Variants in RGS3 observed in about 807,000 individuals in gnomAD.
RGS3 encodes the protein regulator of G protein signaling 3, also known as regulator of G-protein signalling 3.
In RGS3, 80 loss-of-function variants were observed where a neutral mutation model predicts 132.6. That is an observed-to-expected ratio of 0.60 (90% CI 0.50 to 0.73). RGS3 has a LOEUF of 0.73. Ranked by LOEUF, RGS3 falls within the 30% of genes least tolerant of loss-of-function variation. RGS3 has a pLI of 0.00. For missense variants in RGS3, 1,382 were observed against 1,530.8 expected (o/e 0.90, Z 1.62); for synonymous variants, 598 against 620.6 (o/e 0.96, Z 0.54).
rs1231593256 is a variant in RGS3 at position 113,463,601 on chromosome 9, C to G, written c.415+1400C>G. ...GCGGCGCCGCCTCCCCCACCCCGGC[C>G]CAGCTCTGCTCCGGCAGGTGGAACT... On this transcript the variant is annotated intron_variant, in intron 3 of 24. Transcript: ENST00000350696. The surrounding 1 kb of genome is among the most constrained non-coding windows in gnomAD (Gnocchi z 4.6). 9.2e-7 allele frequency: 1 copy of G among 1,082,322 alleles called. No homozygotes were observed. Among genetic ancestry groups the G allele is most frequent in the Non-Finnish European group, 1.2e-6 (1 of 822,392 alleles). 67.0% of individuals were successfully genotyped at this position (1,082,322 alleles called of 1,614,324 possible).
At chr9:113,460,832 A>G (rs1829454131) in intron 1 of RGS3, among the ~76,000 whole-genome samples, 1 of 152,188 alleles carries the variant, frequency 6.6e-6, no homozygotes, top group African/African-American at 2.4e-5. Context: ...ACCCAAATAA[A>G]TCCATTTAGT....
intron 19 of RGS3, among the ~76,000 whole-genome samples, chr9:113,544,263 C>A (rs1279557184): frequency 6.6e-6 from 1 of 151,714 alleles, no homozygotes; most frequent in East Asian, 1.9e-4. Flanking sequence ...TCTTTTAGTT[C>A]CCCACACACC....
At chr9:113,587,680 C>G (rs1835188255) in intron 20 of RGS3, among the ~76,000 whole-genome samples, 1 of 152,210 alleles carries the variant, frequency 6.6e-6, no homozygotes, top group Admixed American at 6.5e-5. Flanking sequence ...CCCCTGTTAT[C>G]CTGCCCTCTT....
At chr9:113,528,357 G>A (rs1832311692) in intron 17 of RGS3, among the ~76,000 whole-genome samples, 1 of 152,160 alleles carries the variant, frequency 6.6e-6, no homozygotes, top group Admixed American at 6.5e-5. Flanking sequence ...CAGGTGTCCT[G>A]GAGGGAGGGA....
At chr9:113,557,737 G>T (rs1004802292) in intron 19 of RGS3, among the ~76,000 whole-genome samples, 3 of 152,142 alleles carry the variant, frequency 2.0e-5, no homozygotes, top group Admixed American at 2.0e-4. Flanking sequence ...GTGCCAAAGG[G>T]CCTAATGAGA....
intron 17 of RGS3, among the ~76,000 whole-genome samples, chr9:113,528,553 G>C (rs79104283): frequency 6.6e-6 from 1 of 152,160 alleles, no homozygotes; most frequent in Non-Finnish European, 1.5e-5. Flanking sequence ...TTCCCTCGGC[G>C]TTGACATTGG....
rs112382504 is a variant in RGS3, at chr9:113,554,174, ATG to A, written c.2037+17257_2037+17258del. Among the ~76,000 whole-genome samples the A allele has an allele frequency of 2.7e-4, 41 of 152,332 alleles. 1 individual carries two copies. Among genetic ancestry groups the A allele is most frequent in the African/African-American group, 8.9e-4 (37 of 41,576 alleles). ...CAATTTGCATTCCTACTCACAGTGA[ATG>A]AGAGTGCCTGCTTCCCTACACCCTG... On this transcript the variant is annotated intron_variant, in intron 19 of 24. Transcript: ENST00000350696.
rs1228048854 is a variant in RGS3 at position 113,463,845 on chromosome 9, G to A, written c.415+1644G>A. 4 of 1,613,096 alleles carry A rather than the reference G, an allele frequency of 2.5e-6. No individual in the cohort carries two copies. The South Asian group carries it at 4.4e-5, about 18-fold the overall frequency. On this transcript the variant is annotated intron_variant, in intron 3 of 24. Transcript: ENST00000350696. The surrounding 1 kb of genome is among the most constrained non-coding windows in gnomAD (Gnocchi z 4.6). ...CCGCGTCTCCCTCGGGAGCCGGCGT[G>A]CCCACCCGGACTTGTCCTTCTACCT... is the stretch of plus-strand genomic sequence containing the variant.
chr9:113,577,204 G>A (rs1834573340), intron 19 of RGS3, among the ~76,000 whole-genome samples: 2 of 152,068 alleles, frequency 1.3e-5, no homozygotes, highest in Non-Finnish European at 1.5e-5. Flanking sequence ...GGCTGGTCTC[G>A]AACTCCTGAC....
In RGS3 at chr9:113,522,231, A is replaced by G. The variant is rs200089275; in HGVS notation, c.1759-699A>G. ...GAGTGTGAGTAACTGGCTGTTTCTTAAACTGATTTCTCATTAATGCAATTA... is the reference window on the plus strand; with the variant it reads ...GAGTGTGAGTAACTGGCTGTTTCTTGAACTGATTTCTCATTAATGCAATTA... On this transcript the variant is annotated intron_variant, in intron 16 of 24. Transcript: ENST00000350696. 3 of 152,354 alleles carry G rather than the reference A, an allele frequency of 2.0e-5. No individual in the cohort carries two copies. The East Asian group carries it at 5.8e-4, about 29-fold the overall frequency. 9.4% of individuals were successfully genotyped at this position (152,354 alleles called of 1,614,324 possible). A position where few individuals can be genotyped will look rare whatever the true frequency, so the allele number is the denominator to read the frequency against.
At chr9:113,528,886 T>C (rs1320318749) in intron 17 of RGS3, among the ~76,000 whole-genome samples, 5 of 152,134 alleles carry the variant, frequency 3.3e-5, no homozygotes, top group Non-Finnish European at 7.4e-5. Flanking sequence ...ACTGCAGAAA[T>C]CATGGAAGGG....
At chr9:113,536,955 C>T (rs780068751) in intron 19 of RGS3, 37 bp downstream of exon 17, 15 of 1,595,430 alleles carry the variant, frequency 9.4e-6, no homozygotes, top group East Asian at 9.0e-5. Flanking sequence ...CTGGCTGCCT[C>T]GTTTCCCCTC....
chr9:113,533,952 C>T (rs775271363), intron 18 of RGS3, among the ~76,000 whole-genome samples: 1 of 152,214 alleles, frequency 6.6e-6, no homozygotes, highest in African/African-American at 2.4e-5. Context: ...AGTGCCTCAG[C>T]GCACCACCCA....
intron 7 of RGS3, 46 bp downstream of exon 5, chr9:113,485,739 T>G: frequency 2.1e-6 from 3 of 1,442,476 alleles, no homozygotes; most frequent in Non-Finnish European, 2.9e-6. Flanking sequence ...TCTGGGCTAG[T>G]GGGTGACAGC....
chr9:113,472,432 T>C (rs1387312194), intron 3 of RGS3, among the ~76,000 whole-genome samples: 1 of 152,236 alleles, frequency 6.6e-6, no homozygotes. Context: ...TGGAATATTA[T>C]TTGGCCACAA....
chr9:113,579,608 T>A lies in RGS3; in HGVS notation c.2038-3842T>A, dbSNP rs1217674028. ...TCTTCCTGGGGCGCCCTGGCTGGAT[T>A]CTTGTTACTTCAGCTGTTGCAACAG... On this transcript the variant is annotated intron_variant, in intron 19 of 24. Coordinates refer to ENST00000350696, the Ensembl canonical transcript of RGS3. The surrounding 1 kb of genome is among the most constrained non-coding windows in gnomAD (Gnocchi z 4.3). Among the ~76,000 whole-genome samples, 1 of 152,112 alleles carries A rather than the reference T, an allele frequency of 6.6e-6. No homozygotes were observed. The highest frequency in any genetic ancestry group is 1.5e-5 in the Non-Finnish European group (1 of 68,010).
Position 113,486,801 on chromosome 9 carries a change from G to A in RGS3, c.689+1108G>A, listed in dbSNP as rs569514235. 1.1e-3 allele frequency among the ~76,000 whole-genome samples: 173 copies of A among 152,312 alleles called. 2 individuals are homozygous for A. Among genetic ancestry groups the A allele is most frequent in the African/African-American group, 3.9e-3 (164 of 41,568 alleles). On this transcript the variant is annotated intron_variant, in intron 7 of 24. Transcript: ENST00000350696. The stretch of plus-strand genomic sequence containing the variant: ...AGCTAATATGTTTTTTAAAATCGGG[G>A]TGTATTTAACATACAAAACGAAGGA...
intron 14 of RGS3, 135 bp from the exon 13 acceptor site, chr9:113,514,323 C>T (rs1006923510): frequency 1.7e-5 from 13 of 771,660 alleles, no homozygotes; most frequent in Middle Eastern, 3.4e-4. Flanking sequence ...CAGCATCGTG[C>T]GCAGGGCCTG....
chr9:113,541,837 C>A, intron 19 of RGS3: 2 of 991,022 alleles, frequency 2.0e-6, no homozygotes, highest in Non-Finnish European at 2.4e-6. Context: ...CGCCCATCCA[C>A]TCATTTTCCA....
Sources: gnomAD v4.1 joint callset for allele counts (sites outside exome capture counted in the v4.1 genomes callset) on GRCh38, gnomAD v4.1.1 for gene constraint, Gnocchi (gnomAD v3.1) non-coding constraint, MANE v1.5 for transcripts, NCBI Gene and HGNC (gene_info 2026-07-23, HGNC 2026-07-21) for gene names.